The following GSK3B variants were observed in gnomAD, a reference collection of about 807,000 sequenced individuals.
The protein encoded by GSK3B is glycogen synthase kinase 3 beta.
Under a neutral mutation model 56.4 loss-of-function variants are expected in GSK3B, and 15 were observed. That is an observed-to-expected ratio of 0.27 (90% confidence interval 0.18 to 0.41). The LOEUF (loss-of-function observed/expected upper bound fraction) is 0.41. Ranked by LOEUF, GSK3B falls within the 10% of genes least tolerant of loss-of-function variation. The probability of loss-of-function intolerance (pLI) is 1.00; values close to 1 mark genes in which losing one functional copy is unlikely to be tolerated. For missense variants in GSK3B, 300 were observed against 513.4 expected, an observed-to-expected ratio of 0.58 and a Z score of 4.02; for synonymous variants, 181 against 188.9, an observed-to-expected ratio of 0.96 and a Z score of 0.34.
intron 7 of GSK3B, among the ~76,000 whole-genome samples, chr3:119,891,578 AGGGT>A (rs1358416620): frequency 6.6e-6 from 1 of 152,194 alleles, no homozygotes; most frequent in Non-Finnish European, 1.5e-5. Context: ...AACAAGTCTT[AGGGT>A]TCACTTGAAT....
intron 2 of GSK3B, among the ~76,000 whole-genome samples, chr3:119,970,005 C>T (rs2107514263): frequency 6.6e-6 from 1 of 152,344 alleles, no homozygotes; most frequent in Middle Eastern, 3.4e-3. Flanking sequence ...TAGCAGCCCT[C>T]TCACAGTTAG....
chr3:119,853,063 C>A (rs1482427562), intron 9 of GSK3B, among the ~76,000 whole-genome samples: 3 of 152,328 alleles, frequency 2.0e-5, no homozygotes, highest in Admixed American at 1.3e-4. Flanking sequence ...TTCGGTCTAA[C>A]ATTTAAGTCT....
intron 1 of GSK3B, among the ~76,000 whole-genome samples, chr3:120,023,970 T>C (rs1470088719): frequency 2.0e-5 from 3 of 152,200 alleles, no homozygotes; most frequent in Non-Finnish European, 4.4e-5. Context: ...ATTCAACTTT[T>C]CAGGTAGGGT....
At chr3:119,961,472 A>G (rs1373352344) in intron 2 of GSK3B, among the ~76,000 whole-genome samples, 1 of 152,038 alleles carries the variant, frequency 6.6e-6, no homozygotes, top group Non-Finnish European at 1.5e-5. Flanking sequence ...TACTAAAAAT[A>G]CAAAAATTAG....
Position 119,823,593 on chromosome 3 carries a change from G to A in GSK3B, c.*3195C>T, listed in dbSNP as rs1392395316. ...CATGGTTAGGGCTTGTGGAAGAGAC[G>A]AGCAAAATTTAATCTATTCGATATC... is the stretch of plus-strand genomic sequence containing the variant. On this transcript the variant is annotated 3_prime_UTR_variant, in exon 11 of 11. Transcript: ENST00000264235. The A allele has an allele frequency of 2.2e-5, 4 of 184,938 alleles. No homozygotes were observed. The highest frequency in any genetic ancestry group is 6.2e-5 in the Admixed American group (1 of 16,084). 11.5% of individuals were successfully genotyped at this position (184,938 alleles called of 1,614,324 possible).
At chr3:119,968,775 C>T (rs116712469) in intron 2 of GSK3B, among the ~76,000 whole-genome samples, 2,391 of 152,174 alleles carry the variant, frequency 0.016, 61 homozygotes, top group African/African-American at 0.055. Context: ...TGTCTTTGCT[C>T]GCCAATAACA....
intron 1 of GSK3B, among the ~76,000 whole-genome samples, chr3:120,063,715 G>A (rs1040011018): frequency 4.9e-5 from 7 of 142,708 alleles, no homozygotes; most frequent in South Asian, 4.5e-4. Context: ...GTGACAGAGC[G>A]AGACTCTGTC....
chr3:120,031,069 TAA>T (rs1163746381), intron 1 of GSK3B, among the ~76,000 whole-genome samples: 1 of 152,182 alleles, frequency 6.6e-6, no homozygotes, highest in Admixed American at 6.5e-5. Context: ...AGTCTTACTG[TAA>T]AAGAGTATGT....
chr3:119,960,916 A>G (rs2057265708), intron 2 of GSK3B, among the ~76,000 whole-genome samples: 1 of 152,182 alleles, frequency 6.6e-6, no homozygotes, highest in African/African-American at 2.4e-5. Flanking sequence ...TGCCCAGCCC[A>G]TATCAACTCA....
Position 120,041,894 on chromosome 3 carries a change from T to C in GSK3B, c.89-39655A>G, listed in dbSNP as rs546695274. 6.2e-4 allele frequency among the ~76,000 whole-genome samples: 94 copies of C among 152,350 alleles called. 2 individuals are homozygous for C. The South Asian group carries it at 0.018, about 29-fold the overall frequency. ...GGTCTGCCCAAACTTGTGAATTGTT[T>C]GCACTCAGCCAAGCCTTAAAGTACT... On this transcript the variant is annotated intron_variant, in intron 1 of 10. Transcript: ENST00000264235.
chr3:119,947,139 TG>T, intron 3 of GSK3B, 128 bp downstream of exon 3: 1 of 641,946 alleles, frequency 1.6e-6, no homozygotes, highest in African/African-American at 1.8e-5. Flanking sequence ...GGCTGAGTAT[TG>T]CTGGGGCAAG....
chr3:120,031,332 C>T (rs2057973464), intron 1 of GSK3B, among the ~76,000 whole-genome samples: 1 of 152,190 alleles, frequency 6.6e-6, no homozygotes. Flanking sequence ...GCAATAATTA[C>T]ATTCCTAAAT....
intron 8 of GSK3B, among the ~76,000 whole-genome samples, chr3:119,870,156 G>T (rs1442128148): frequency 6.6e-6 from 1 of 152,062 alleles, no homozygotes; most frequent in Non-Finnish European, 1.5e-5. Context: ...CCTAAGTGGG[G>T]GTTCCTTTTT....
At chr3:119,962,516 A>T (rs1427632537) in intron 2 of GSK3B, among the ~76,000 whole-genome samples, 1 of 152,194 alleles carries the variant, frequency 6.6e-6, no homozygotes, top group Non-Finnish European at 1.5e-5. Flanking sequence ...TCTATTCAAC[A>T]TAGTACTGTA....
At chr3:120,023,899 A>G (rs1263079256) in intron 1 of GSK3B, among the ~76,000 whole-genome samples, 1 of 152,232 alleles carries the variant, frequency 6.6e-6, no homozygotes, top group Non-Finnish European at 1.5e-5. Flanking sequence ...CCCATTATTT[A>G]CAAATGAGCT....
chr3:119,953,580 G>A (rs919720612), intron 2 of GSK3B, among the ~76,000 whole-genome samples: 6 of 152,136 alleles, frequency 3.9e-5, no homozygotes, highest in African/African-American at 1.4e-4. Flanking sequence ...ACAAGATAAA[G>A]TCTAAATCAC....
chr3:119,954,576 T>G (rs1276058268), intron 2 of GSK3B, among the ~76,000 whole-genome samples: 1 of 152,198 alleles, frequency 6.6e-6, no homozygotes, highest in Non-Finnish European at 1.5e-5. Flanking sequence ...AACAAGATTC[T>G]TACTAATCAT....
intron 8 of GSK3B, among the ~76,000 whole-genome samples, chr3:119,867,779 T>G (rs763112618): frequency 4.2e-4 from 64 of 152,108 alleles, no homozygotes; most frequent in Non-Finnish European, 7.4e-4. Context: ...TAGTTTCCAG[T>G]GGGGGAATTA....
intron 1 of GSK3B, among the ~76,000 whole-genome samples, chr3:120,020,137 A>G (rs1032209932): frequency 6.6e-6 from 1 of 152,246 alleles, no homozygotes; most frequent in African/African-American, 2.4e-5. Context: ...AAACAACTTT[A>G]TAAGAACCTC....
Sources: gnomAD v4.1 joint callset for allele counts (sites outside exome capture counted in the v4.1 genomes callset) on GRCh38, gnomAD v4.1.1 for gene constraint, MANE v1.5 for transcripts, NCBI Gene and HGNC (gene_info 2026-07-23, HGNC 2026-07-21) for gene names.